Variants in XKR4 observed in about 807,000 individuals in gnomAD.
XKR4 encodes XK-related protein 4.
In XKR4, 12 loss-of-function variants were observed where a neutral mutation model predicts 53.9. The observed-to-expected ratio is 0.22, with a 90% CI of 0.14 to 0.36. The LOEUF is 0.36. Ranked by LOEUF, XKR4 falls within the 10% of genes least tolerant of loss-of-function variation. The pLI is 1.00. For synonymous variants in XKR4, 354 were observed against 362.4 expected, an observed-to-expected ratio of 0.98 and a Z score of 0.26; for missense variants, 799 against 859.5, an observed-to-expected ratio of 0.93 and a Z score of 0.88.
chr8:55,221,922 G>A (rs1817886990), intron 1 of XKR4, among the ~76,000 whole-genome samples: 1 of 152,300 alleles, frequency 6.6e-6, no homozygotes, highest in African/African-American at 2.4e-5. Context: ...ACCAGAGGTA[G>A]GACTAGACAC....
intron 1 of XKR4, among the ~76,000 whole-genome samples, chr8:55,242,324 G>A (rs1364112412): frequency 6.6e-6 from 1 of 152,124 alleles, no homozygotes; most frequent in Non-Finnish European, 1.5e-5. Context: ...TGAGTACAAA[G>A]GGTCTGGTGG....
intron 1 of XKR4, among the ~76,000 whole-genome samples, chr8:55,318,342 AT>A (rs1325988722): frequency 2.6e-5 from 4 of 152,248 alleles, no homozygotes; most frequent in African/African-American, 9.6e-5. Context: ...ATGGAGTATT[AT>A]AAAAATGCAG....
At chr8:55,438,177 C>A (rs887611836) in intron 2 of XKR4, among the ~76,000 whole-genome samples, 4 of 152,006 alleles carry the variant, frequency 2.6e-5, no homozygotes, top group Admixed American at 2.6e-4. Flanking sequence ...AGTCCCAATT[C>A]AATTCAAAGG....
intron 1 of XKR4, among the ~76,000 whole-genome samples, chr8:55,201,778 G>A (rs1324032383): frequency 6.6e-6 from 1 of 152,196 alleles, no homozygotes. Context: ...GATAAGTACT[G>A]AAATCGCATG....
intron 1 of XKR4, among the ~76,000 whole-genome samples, chr8:55,265,662 GA>G (rs1818588762): frequency 6.6e-6 from 1 of 151,742 alleles, no homozygotes; most frequent in Admixed American, 6.6e-5. Flanking sequence ...AGGAGCCTGG[GA>G]AAAATAGCAA....
At chr8:55,271,785 C>T (rs956602119) in intron 1 of XKR4, among the ~76,000 whole-genome samples, 31 of 152,194 alleles carry the variant, frequency 2.0e-4, no homozygotes, top group African/African-American at 7.0e-4. Flanking sequence ...AGTTATTAAT[C>T]AATTCCCAGC....
intron 2 of XKR4, among the ~76,000 whole-genome samples, chr8:55,449,095 A>G (rs545233585): frequency 6.6e-6 from 1 of 152,020 alleles, no homozygotes; most frequent in South Asian, 2.1e-4. Context: ...TTAAAAAAAA[A>G]AACATATAAA....
At chr8:55,264,422 G>T (rs1818570684) in intron 1 of XKR4, among the ~76,000 whole-genome samples, 1 of 152,126 alleles carries the variant, frequency 6.6e-6, no homozygotes, top group African/African-American at 2.4e-5. Context: ...CTGAAACATA[G>T]AAGTCCTTAG....
At chr8:55,490,830 G>A (rs1040131142) in intron 2 of XKR4, among the ~76,000 whole-genome samples, 2 of 152,076 alleles carry the variant, frequency 1.3e-5, no homozygotes, top group Non-Finnish European at 2.9e-5. Context: ...GCGCATGCTT[G>A]TGGTTTGTTT....
At chr8:55,464,310 G>A (rs937127669) in intron 2 of XKR4, among the ~76,000 whole-genome samples, 6 of 152,130 alleles carry the variant, frequency 3.9e-5, no homozygotes, top group African/African-American at 1.2e-4. Flanking sequence ...TGGGATGCAA[G>A]GCTGGTTCAA....
chr8:55,511,877 C>T (rs1806630152), intron 2 of XKR4, among the ~76,000 whole-genome samples: 1 of 152,146 alleles, frequency 6.6e-6, no homozygotes, highest in Admixed American at 6.5e-5. Context: ...CTCTGTCATG[C>T]TATTCTATTC....
intron 2 of XKR4, among the ~76,000 whole-genome samples, chr8:55,420,797 GATAAATAA>G (rs35390370): frequency 9.1e-4 from 135 of 148,884 alleles, no homozygotes; most frequent in Non-Finnish European, 1.2e-3. Flanking sequence ...ATAATAAATA[GATAAATAA>G]ATAAATAAAT....
At chr8:55,148,127 A>G (rs938964189) in intron 1 of XKR4, among the ~76,000 whole-genome samples, 2 of 152,370 alleles carry the variant, frequency 1.3e-5, no homozygotes, top group Admixed American at 6.5e-5. Flanking sequence ...CCATAAATAC[A>G]GAGCTCTGAT....
Position 55,534,657 on chromosome 8 carries a change from G to C in XKR4, c.*10430G>C, listed in dbSNP as rs569897382. On this transcript the variant is annotated 3_prime_UTR_variant, in exon 3 of 3. Coordinates refer to ENST00000327381, the MANE Select transcript of XKR4 (RefSeq NM_052898.2). ...CCCAAAGTGCTGGGATTACAGGCGT[G>C]AGCCACCACACCCGGCCCCGATATT... 6.6e-6 allele frequency: 1 copy of C among 151,392 alleles called. No homozygotes were observed. The highest frequency in any genetic ancestry group is 2.4e-5 in the African/African-American group (1 of 41,216). The allele number at this position is 151,392 out of a possible 1,614,324, so 9.4% of individuals were successfully genotyped here.
At chr8:55,381,664 C>G (rs1210273516) in intron 2 of XKR4, among the ~76,000 whole-genome samples, 1 of 152,200 alleles carries the variant, frequency 6.6e-6, no homozygotes, top group Admixed American at 6.5e-5. Context: ...GAGAGCAGAT[C>G]TCCACCACTG....
chr8:55,358,620 G>A (rs952340841), intron 2 of XKR4, among the ~76,000 whole-genome samples: 2 of 152,190 alleles, frequency 1.3e-5, no homozygotes, highest in African/African-American at 4.8e-5. Flanking sequence ...ACAGACTGGT[G>A]GGTAAGCAGG....
intron 2 of XKR4, chr8:55,455,254 C>T: frequency 1.1e-5 from 2 of 179,706 alleles, no homozygotes; most frequent in South Asian, 2.8e-4. Context: ...TCCGCGGCGG[C>T]CGCAGCGGCT....
chr8:55,195,323 A>G (rs1472668526), intron 1 of XKR4, among the ~76,000 whole-genome samples: 1 of 141,564 alleles, frequency 7.1e-6, no homozygotes, highest in Non-Finnish European at 1.6e-5. Context: ...TAACACTGAG[A>G]GTTCTATGAT....
intron 1 of XKR4, among the ~76,000 whole-genome samples, chr8:55,137,010 G>A (rs546471355): frequency 6.6e-6 from 1 of 152,286 alleles, no homozygotes; most frequent in Admixed American, 6.5e-5. Flanking sequence ...GAACTGGAAT[G>A]AATATATGGC....
Sources: gnomAD v4.1 joint callset for allele counts (sites outside exome capture counted in the v4.1 genomes callset) on GRCh38, gnomAD v4.1.1 for gene constraint, MANE v1.5 for transcripts, NCBI Gene and HGNC (gene_info 2026-07-23, HGNC 2026-07-21) for gene names.